HCN1: variants seen among roughly 807,000 people sequenced by gnomAD.
The protein encoded by HCN1 is potassium/sodium hyperpolarization-activated cyclic nucleotide-gated channel 1.
In HCN1, 13 loss-of-function variants were observed where a neutral mutation model predicts 78.9. The ratio of observed to expected loss-of-function variants is 0.16; its 90% confidence interval spans 0.11 to 0.26. The LOEUF (loss-of-function observed/expected upper bound fraction) is 0.26. Among genes scored for constraint, HCN1 ranks in the 10% least tolerant of loss-of-function variants. The pLI, the probability that HCN1 is intolerant of heterozygous loss-of-function variation, is 1.00. For synonymous variants in HCN1, 552 were observed against 455.5 expected (o/e 1.21, Z -2.70); for missense variants, 810 against 1,154.3 (o/e 0.70, Z 4.32).
chr5:45,321,372 G>C (rs1746122791), intron 5 of HCN1, among the ~76,000 whole-genome samples: 2 of 151,738 alleles, frequency 1.3e-5, no homozygotes, highest in African/African-American at 2.4e-5. Flanking sequence ...AGAAGAAAGT[G>C]GTGCTTAGAG....
intron 4 of HCN1, among the ~76,000 whole-genome samples, chr5:45,357,215 G>T (rs1747022072): frequency 6.6e-6 from 1 of 151,984 alleles, no homozygotes; most frequent in Non-Finnish European, 1.5e-5. Flanking sequence ...GACTAAGAAA[G>T]ATTGTATGTT....
intron 5 of HCN1, among the ~76,000 whole-genome samples, chr5:45,344,752 T>A (rs529201722): frequency 6.6e-6 from 1 of 152,162 alleles, no homozygotes; most frequent in Non-Finnish European, 1.5e-5. Context: ...TCCCTGTGGT[T>A]TTGCAGGGTA....
intron 2 of HCN1, among the ~76,000 whole-genome samples, chr5:45,477,233 G>T (rs1741540125): frequency 6.6e-6 from 1 of 152,036 alleles, no homozygotes; most frequent in Admixed American, 6.6e-5. Context: ...AAAAAATAGA[G>T]GTGAAGGGTA....
intron 2 of HCN1, among the ~76,000 whole-genome samples, chr5:45,598,922 TG>T (rs1489040345): frequency 6.6e-6 from 1 of 152,148 alleles, no homozygotes; most frequent in Non-Finnish European, 1.5e-5. Context: ...CAACAGATGC[TG>T]GAGAGGATGT....
chr5:45,598,057 A>G (rs1278108836), intron 2 of HCN1, among the ~76,000 whole-genome samples: 4 of 152,204 alleles, frequency 2.6e-5, no homozygotes, highest in Non-Finnish European at 2.9e-5. Context: ...AGAATTGGAA[A>G]AAAACTACTT....
At chr5:45,530,278 C>T (rs1344647091) in intron 2 of HCN1, among the ~76,000 whole-genome samples, 1 of 151,918 alleles carries the variant, frequency 6.6e-6, no homozygotes, top group Non-Finnish European at 1.5e-5. Context: ...ACTGAACACA[C>T]TAAAACAAAA....
At chr5:45,444,877 G>A (rs1740755237) in intron 3 of HCN1, among the ~76,000 whole-genome samples, 1 of 151,956 alleles carries the variant, frequency 6.6e-6, no homozygotes, top group South Asian at 2.1e-4. Context: ...GTGCCATGCT[G>A]GTGTGCTGCA....
intron 6 of HCN1, among the ~76,000 whole-genome samples, chr5:45,281,563 C>G (rs186941549): frequency 7.0e-6 from 1 of 143,298 alleles, no homozygotes; most frequent in Non-Finnish European, 1.5e-5. Context: ...AAAAAATATA[C>G]AAGAGCTCTT....
intron 2 of HCN1, among the ~76,000 whole-genome samples, chr5:45,493,759 C>T (rs550887625): frequency 1.8e-4 from 27 of 147,994 alleles, no homozygotes; most frequent in African/African-American, 6.8e-4. Context: ...CCTCCCCCCA[C>T]CCCACAACAG....
intron 4 of HCN1, among the ~76,000 whole-genome samples, chr5:45,376,359 G>T (rs958696032): frequency 5.5e-4 from 10 of 18,146 alleles, no homozygotes; most frequent in East Asian, 2.9e-3. Flanking sequence ...TAGAGAGAGA[G>T]AGAGAGAGAG....
Position 45,402,935 on chromosome 5 carries a change from G to A in HCN1, c.1012-6225C>T, listed in dbSNP as rs1739852300. On this transcript the variant is annotated intron_variant, in intron 3 of 7. Transcript: ENST00000303230. Reference sequence around the variant, plus strand: ...TTGTCTCACTCTTTTATGCAAGCTGGAGTCCAGTGGCATAACCATAGCTCA... The same window carrying A: ...TTGTCTCACTCTTTTATGCAAGCTGAAGTCCAGTGGCATAACCATAGCTCA... 5.5e-5 allele frequency among the ~76,000 whole-genome samples: 8 copies of A among 145,604 alleles called. No homozygotes were observed. The Admixed American group carries it at 5.6e-4, about 10-fold the overall frequency.
At chr5:45,402,813 C>CCT (rs1739843351) in intron 3 of HCN1, among the ~76,000 whole-genome samples, 2 of 98,370 alleles carry the variant, frequency 2.0e-5, no homozygotes, top group Non-Finnish European at 4.1e-5. Context: ...CCTTTCTTTC[C>CCT]TCCTTCCTTC....
chr5:45,413,876 A>T (rs1009672114), intron 3 of HCN1, among the ~76,000 whole-genome samples: 2 of 152,066 alleles, frequency 1.3e-5, no homozygotes, highest in African/African-American at 4.8e-5. Context: ...ATAATAAATT[A>T]TCTTTTTTTA....
intron 4 of HCN1, among the ~76,000 whole-genome samples, chr5:45,387,619 G>A (rs1747952139): frequency 6.6e-6 from 1 of 151,814 alleles, no homozygotes; most frequent in African/African-American, 2.4e-5. Flanking sequence ...GATGGCTTAA[G>A]AGAAGATAGC....
Position 45,696,213 on chromosome 5 carries a change from C to CGCGGCGGCGGCGGCGGCG in HCN1, c.-138_-121dup. ...GCTGCCGGCGAGCCCAGCTGCCCGTCGCGGCGGCGGCGGCGGCGGCGGCGG... is the reference window on the plus strand; with the variant it reads ...GCTGCCGGCGAGCCCAGCTGCCCGTCGCGGCGGCGGCGGCGGCGGCGGCGGCGGCGGCGGCGGCGGCGG... On this transcript the variant is annotated 5_prime_UTR_variant, in exon 1 of 8. Transcript: ENST00000303230. The CGCGGCGGCGGCGGCGGCG allele has an allele frequency of 2.5e-6, 1 of 406,268 alleles. No individual in the cohort carries two copies. The highest frequency in any genetic ancestry group is 3.4e-6 in the Non-Finnish European group (1 of 290,756). 25.2% of individuals were successfully genotyped at this position (406,268 alleles called of 1,614,324 possible).
chr5:45,601,380 C>T lies in HCN1; in HGVS notation c.849+43805G>A, dbSNP rs557627323. Among the ~76,000 whole-genome samples the T allele has an allele frequency of 4.6e-5, 7 of 152,222 alleles. 1 individual carries two copies. In the South Asian group the frequency reaches 1.0e-3, roughly 23 times the overall value. On this transcript the variant is annotated intron_variant, in intron 2 of 7. Coordinates refer to ENST00000303230, the MANE Select transcript of HCN1 (RefSeq NM_021072.4). ...CAGCAAGCAGCCCATGTGAAAGCTC[C>T]GGTTATACAACTAGGAAGGAAAGTT...
At chr5:45,638,941 A>G (rs1044602980) in intron 2 of HCN1, among the ~76,000 whole-genome samples, 6 of 152,198 alleles carry the variant, frequency 3.9e-5, no homozygotes, top group African/African-American at 1.4e-4. Flanking sequence ...TACATTGTAC[A>G]TTAAAACTTC....
intron 1 of HCN1, among the ~76,000 whole-genome samples, chr5:45,650,542 A>G (rs1745656115): frequency 6.6e-6 from 1 of 152,056 alleles, no homozygotes; most frequent in African/African-American, 2.4e-5. Context: ...CTTTATAATT[A>G]CAGCAAAATC....
At chr5:45,398,642 G>A (rs984014693) in intron 3 of HCN1, among the ~76,000 whole-genome samples, 6 of 152,042 alleles carry the variant, frequency 3.9e-5, no homozygotes, top group African/African-American at 1.4e-4. Context: ...TGTCAAGGCC[G>A]TGCAAAAAAT....
Sources: allele counts gnomAD v4.1 joint callset (sites outside exome capture counted in the v4.1 genomes callset), GRCh38; gene constraint gnomAD v4.1.1; transcripts MANE v1.5; gene names NCBI Gene and HGNC (gene_info 2026-07-23, HGNC 2026-07-21).